ZNF385D: variants seen among roughly 807,000 people sequenced by gnomAD.
ZNF385D encodes the protein zinc finger protein 385D.
ZNF385D carries 15 observed loss-of-function variants against 35.8 expected under a neutral mutation model. That is an observed-to-expected ratio of 0.42 (90% CI 0.28 to 0.64). ZNF385D has a LOEUF of 0.64. Ranked by LOEUF, ZNF385D falls within the 30% of genes least tolerant of loss-of-function variation. The pLI is 0.23. For missense variants in ZNF385D, 474 were observed against 494.6 expected, an observed-to-expected ratio of 0.96 and a Z score of 0.39; for synonymous variants, 212 against 186.8, an observed-to-expected ratio of 1.13 and a Z score of -1.10.
At chr3:22,180,958 T>C (rs1254235531) in intron 2 of ZNF385D, among the ~76,000 whole-genome samples, 1 of 148,106 alleles carries the variant, frequency 6.8e-6, no homozygotes. Context: ...TCTCCTTCTC[T>C]CATTTATAAT....
intron 3 of ZNF385D, among the ~76,000 whole-genome samples, chr3:21,980,336 C>G (rs1694358530): frequency 6.6e-6 from 1 of 152,106 alleles, no homozygotes; most frequent in African/African-American, 2.4e-5. Context: ...GAATTCCTGA[C>G]TCATGGAAAC....
chr3:21,422,508 C>G (rs1700789617), intron 7 of ZNF385D, among the ~76,000 whole-genome samples: 1 of 152,114 alleles, frequency 6.6e-6, no homozygotes, highest in South Asian at 2.1e-4. Flanking sequence ...CAGCATCATC[C>G]TGATACCAAA....
intron 3 of ZNF385D, among the ~76,000 whole-genome samples, chr3:21,927,244 G>A (rs569303986): frequency 2.6e-5 from 4 of 151,984 alleles, no homozygotes; most frequent in African/African-American, 9.6e-5. Context: ...TTCTTGTATA[G>A]CTTGCAGAAC....
chr3:22,368,587 A>C (rs981659763), intron 2 of ZNF385D, among the ~76,000 whole-genome samples: 3 of 152,178 alleles, frequency 2.0e-5, no homozygotes, highest in African/African-American at 4.8e-5. Context: ...GTGCCAGCAG[A>C]TTCAATGACT....
At chr3:22,343,732 G>T (rs1051479456) in intron 2 of ZNF385D, among the ~76,000 whole-genome samples, 1 of 152,106 alleles carries the variant, frequency 6.6e-6, no homozygotes, top group Non-Finnish European at 1.5e-5. Context: ...AGTTTTTAAT[G>T]CTTGCATCTG....
intron 2 of ZNF385D, among the ~76,000 whole-genome samples, chr3:22,178,163 G>A (rs968514959): frequency 4.6e-5 from 7 of 152,162 alleles, no homozygotes; most frequent in Admixed American, 1.3e-4. Context: ...TCGCCACACC[G>A]ACTTCCACAA....
chr3:22,142,836 G>A (rs1704597854), intron 3 of ZNF385D, among the ~76,000 whole-genome samples: 1 of 151,938 alleles, frequency 6.6e-6, no homozygotes, highest in African/African-American at 2.4e-5. Context: ...CATCTCCACA[G>A]GATATTATCC....
chr3:22,233,549 C>T (rs977566399), intron 2 of ZNF385D, among the ~76,000 whole-genome samples: 26 of 152,182 alleles, frequency 1.7e-4, no homozygotes, highest in Middle Eastern at 3.4e-3. Flanking sequence ...AAAATATGTG[C>T]GTATTATTGC....
At chr3:22,073,108 G>C (rs923524786) in intron 3 of ZNF385D, among the ~76,000 whole-genome samples, 1 of 151,992 alleles carries the variant, frequency 6.6e-6, no homozygotes, top group Non-Finnish European at 1.5e-5. Flanking sequence ...GCAGAGACAA[G>C]CAGTCCTGGA....
At chr3:21,783,361 G>GA (rs2071564727) in intron 3 of ZNF385D, among the ~76,000 whole-genome samples, 1 of 152,240 alleles carries the variant, frequency 6.6e-6, no homozygotes, top group South Asian at 2.1e-4. Flanking sequence ...GGAACAGAGG[G>GA]AAAAAGGAGA....
chr3:21,510,036 C>T (rs1188294477), intron 4 of ZNF385D, among the ~76,000 whole-genome samples: 1 of 152,176 alleles, frequency 6.6e-6, no homozygotes, highest in Non-Finnish European at 1.5e-5. Flanking sequence ...TGAACGTTTC[C>T]TTACCATTGC....
At chr3:22,026,877 A>G (rs1232823003) in intron 3 of ZNF385D, among the ~76,000 whole-genome samples, 1 of 152,214 alleles carries the variant, frequency 6.6e-6, no homozygotes, top group Non-Finnish European at 1.5e-5. Context: ...TGGCCTGTGC[A>G]GAAGACAGAG....
intron 3 of ZNF385D, among the ~76,000 whole-genome samples, chr3:22,033,385 G>T (rs1698120833): frequency 7.0e-6 from 1 of 143,604 alleles, no homozygotes; most frequent in Admixed American, 7.1e-5. Flanking sequence ...CTGGGTGACA[G>T]AGCAAGGCTG....
At chr3:22,209,427 T>C (rs1414448968) in intron 2 of ZNF385D, among the ~76,000 whole-genome samples, 1 of 151,860 alleles carries the variant, frequency 6.6e-6, no homozygotes, top group African/African-American at 2.4e-5. Flanking sequence ...AGTAAAAACA[T>C]TGTGTACATT....
At chr3:21,871,473 T>C (rs1220767442) in intron 3 of ZNF385D, among the ~76,000 whole-genome samples, 2 of 152,186 alleles carry the variant, frequency 1.3e-5, no homozygotes, top group African/African-American at 2.4e-5. Context: ...GCAGTAACTT[T>C]GTTATATTAA....
intron 3 of ZNF385D, among the ~76,000 whole-genome samples, chr3:21,544,393 AT>A (rs1222464703): frequency 6.6e-6 from 1 of 152,176 alleles, no homozygotes; most frequent in East Asian, 1.9e-4. Context: ...ATTACTAGAA[AT>A]GGATTTGCAT....
At chr3:21,442,306 T>C (rs1701903374) in intron 4 of ZNF385D, among the ~76,000 whole-genome samples, 1 of 152,134 alleles carries the variant, frequency 6.6e-6, no homozygotes, top group Admixed American at 6.6e-5. Context: ...CAGGGATTAG[T>C]GTTATAACCC....
At chr3:21,919,869 C>G (rs750625098) in intron 3 of ZNF385D, among the ~76,000 whole-genome samples, 1 of 152,150 alleles carries the variant, frequency 6.6e-6, no homozygotes, top group African/African-American at 2.4e-5. Context: ...TTGAATAACT[C>G]TGAATAACTT....
chr3:21,778,565 A>G (rs1375937393), intron 3 of ZNF385D, among the ~76,000 whole-genome samples: 3 of 151,946 alleles, frequency 2.0e-5, no homozygotes, highest in Non-Finnish European at 4.4e-5. Flanking sequence ...GGTTCGCGAA[A>G]AACAAAATCT....
Sources: allele counts gnomAD v4.1 joint callset (sites outside exome capture counted in the v4.1 genomes callset), GRCh38; gene constraint gnomAD v4.1.1; transcripts MANE v1.5; gene names NCBI Gene and HGNC (gene_info 2026-07-23, HGNC 2026-07-21).